TMEM63A: variants seen among roughly 807,000 people sequenced by gnomAD.
TMEM63A encodes transmembrane protein 63A.
A neutral mutation model predicts 100.6 loss-of-function variants in TMEM63A; 76 were observed. That is an observed-to-expected ratio of 0.76 (90% confidence interval 0.63 to 0.91). The LOEUF (loss-of-function observed/expected upper bound fraction) is 0.91. TMEM63A is among the 40% of genes least tolerant of loss of function. TMEM63A has a pLI of 0.00. For missense variants in TMEM63A, 876 were observed against 1,008.8 expected (o/e 0.87, Z 1.78); for synonymous variants, 401 against 401.1 (o/e 1.00, Z 0.00).
chr1:225,863,535 C>T (rs1670048507), intron 10 of TMEM63A, among the ~76,000 whole-genome samples: 3 of 152,154 alleles, frequency 2.0e-5, no homozygotes, highest in African/African-American at 7.2e-5. Context: ...AAATCCTATT[C>T]AGGTAGCCTT....
At chr1:225,844,620 A>T (rs761825961), downstream of TMEM63A, 12 of 1,613,906 alleles carry the variant, frequency 7.4e-6, no homozygotes, top group East Asian at 2.5e-4. Flanking sequence ...CAGAAGCATG[A>T]GCGGTGAGCC....
intron 1 of TMEM63A, among the ~76,000 whole-genome samples, chr1:225,879,989 AGAG>A (rs1671009174): frequency 1.1e-5 from 1 of 94,238 alleles, no homozygotes; most frequent in Non-Finnish European, 2.8e-5. Flanking sequence ...CCAGTGCTGC[AGAG>A]GAGAGAGGCC....
At chr1:225,850,591 G>A (rs771959411) in intron 20 of TMEM63A, among the ~76,000 whole-genome samples, 7 of 152,170 alleles carry the variant, frequency 4.6e-5, no homozygotes, top group African/African-American at 7.2e-5. Flanking sequence ...GTTTACTCGA[G>A]ACCTTTGTCA....
chr1:225,874,196 A>C, intron 4 of TMEM63A, 92 bp downstream of exon 4: 7 of 1,265,900 alleles, frequency 5.5e-6, no homozygotes, highest in Non-Finnish European at 7.8e-6. Context: ...ATACACACAT[A>C]TATGCACACA....
rs558340261 is a variant in TMEM63A at position 225,881,718 on chromosome 1, A to G, written c.-206+586T>C. On this transcript the variant is annotated intron_variant, in intron 1 of 24. Transcript: ENST00000366835. ...ATGACCAAGGCCCCTCCAGGGCCTCAGGTAGCTAGTCTTATCAGGTGCTGG... is the reference window on the plus strand; with the variant it reads ...ATGACCAAGGCCCCTCCAGGGCCTCGGGTAGCTAGTCTTATCAGGTGCTGG... 9.2e-5 allele frequency among the ~76,000 whole-genome samples: 14 copies of G among 152,318 alleles called. No individual in the cohort carries two copies. The East Asian group carries it at 2.7e-3, about 29-fold the overall frequency.
At chr1:225,854,698 G>C (rs1669527036) in intron 18 of TMEM63A, among the ~76,000 whole-genome samples, 1 of 152,170 alleles carries the variant, frequency 6.6e-6, no homozygotes, top group Non-Finnish European at 1.5e-5. Context: ...TGGAGGTGCA[G>C]GCTAGAGGCA....
At chr1:225,868,726 C>A (rs1335513547) in intron 6 of TMEM63A, among the ~76,000 whole-genome samples, 1 of 151,802 alleles carries the variant, frequency 6.6e-6, no homozygotes, top group East Asian at 1.9e-4. Flanking sequence ...TGGGAATATG[C>A]CCAGGCCCCA....
intron 6 of TMEM63A, among the ~76,000 whole-genome samples, chr1:225,870,229 G>A (rs909354866): frequency 6.6e-6 from 1 of 151,976 alleles, no homozygotes. Flanking sequence ...GCGCATGCCT[G>A]TAATCTCAGC....
At chr1:225,858,583 C>T (rs1369132686) in intron 15 of TMEM63A, among the ~76,000 whole-genome samples, 1 of 152,086 alleles carries the variant, frequency 6.6e-6, no homozygotes, top group Non-Finnish European at 1.5e-5. Flanking sequence ...CCTTGGCCTC[C>T]CAAAATGCTG....
downstream of TMEM63A, chr1:225,844,560 T>A: frequency 6.2e-7 from 1 of 1,614,002 alleles, no homozygotes; most frequent in South Asian, 1.1e-5. Context: ...GGCACCATCA[T>A]CTCCTCCCAG....
Position 225,853,876 on chromosome 1 carries a change from A to G in TMEM63A, c.1635-85T>C. On this transcript the variant is annotated intron_variant, in intron 18 of 24. Coordinates refer to ENST00000366835, the MANE Select transcript of TMEM63A (RefSeq NM_014698.3). The surrounding 1 kb of genome is among the most constrained non-coding windows in gnomAD (Gnocchi z 4.0). ...GCCCCTAGGCTGGGCAGGAGCAGAA[A>G]GCCCCTGGGAGGGCTGTATACTCTT... 1 of 1,347,048 alleles carries G rather than the reference A, an allele frequency of 7.4e-7. No homozygotes were observed. Among genetic ancestry groups the G allele is most frequent in the Non-Finnish European group, 1.0e-6 (1 of 1,004,304 alleles). The allele number at this position is 1,347,048 out of a possible 1,614,324, so 83.4% of individuals were successfully genotyped here. A position where few individuals can be genotyped will look rare whatever the true frequency, so the allele number is the denominator to read the frequency against.
intron 15 of TMEM63A, among the ~76,000 whole-genome samples, chr1:225,857,226 C>A (rs1485848629): frequency 6.6e-6 from 1 of 152,180 alleles, no homozygotes; most frequent in African/African-American, 2.4e-5. Flanking sequence ...ATTTGTACAG[C>A]TCCTCACAGC....
chr1:225,866,749 G>T, intron 8 of TMEM63A, 67 bp from the exon 9 acceptor site: 1 of 1,468,026 alleles, frequency 6.8e-7, no homozygotes, highest in Non-Finnish European at 9.5e-7. Flanking sequence ...GCAGAGCTGG[G>T]GCCTGGTTAC....
At chr1:225,871,838 G>A (rs1559049351) in intron 5 of TMEM63A, 149 bp downstream of exon 5, 3 of 621,374 alleles carry the variant, frequency 4.8e-6, no homozygotes, top group Admixed American at 3.0e-5. Context: ...CCCTCCTGTG[G>A]TATTTCCCAA....
intron 14 of TMEM63A, chr1:225,860,245 C>G (rs1669870875): frequency 6.6e-6 from 1 of 152,598 alleles, no homozygotes; most frequent in Non-Finnish European, 1.5e-5. Flanking sequence ...GGCAGCTGCG[C>G]TGGGGCTTGC....
downstream of TMEM63A, among the ~76,000 whole-genome samples, chr1:225,844,091 T>C (rs1668680569): frequency 6.6e-6 from 1 of 152,112 alleles, no homozygotes; most frequent in African/African-American, 2.4e-5. Context: ...CTATGTCCCA[T>C]AGGCTGTTGA....
At chr1:225,872,189 G>A (rs540907411) in intron 4 of TMEM63A, 136 bp from the exon 5 acceptor site, 2 of 633,868 alleles carry the variant, frequency 3.2e-6, no homozygotes, top group African/African-American at 3.7e-5. Context: ...TCGATGGCTG[G>A]GACAAAATAT....
At chr1:225,872,153 G>C (rs986888413) in intron 4 of TMEM63A, 100 bp from the exon 5 acceptor site, 4 of 848,600 alleles carry the variant, frequency 4.7e-6, no homozygotes, top group Non-Finnish European at 7.4e-6. Flanking sequence ...CTGCCTCTTG[G>C]AGCTCAGAAC....
At chr1:225,844,356 CGAG>C, downstream of TMEM63A, 2 of 1,321,838 alleles carry the variant, frequency 1.5e-6, no homozygotes, top group African/African-American at 1.4e-5. Context: ...GCCTGTGACA[CGAG>C]GATACCACAC....
Sources: gnomAD v4.1 joint callset for allele counts (sites outside exome capture counted in the v4.1 genomes callset) on GRCh38, gnomAD v4.1.1 for gene constraint, Gnocchi (gnomAD v3.1) non-coding constraint, MANE v1.5 for transcripts, NCBI Gene and HGNC (gene_info 2026-07-23, HGNC 2026-07-21) for gene names.